The following PPP3CC variants were observed in gnomAD, a reference collection of about 807,000 sequenced individuals.
PPP3CC encodes serine/threonine-protein phosphatase 2B catalytic subunit gamma isoform.
PPP3CC carries 35 observed loss-of-function variants against 60.3 expected under a neutral mutation model. The observed-to-expected ratio is 0.58, with a 90% CI of 0.44 to 0.77. PPP3CC has a LOEUF of 0.77. Among genes scored for constraint, PPP3CC ranks in the 30% least tolerant of loss-of-function variants. PPP3CC has a pLI of 0.00. For synonymous variants in PPP3CC, 206 were observed against 224.3 expected (o/e 0.92, Z 0.73); for missense variants, 570 against 628.9 (o/e 0.91, Z 1.00).
At chr8:22,461,134 G>T (rs188796447) in intron 1 of PPP3CC, among the ~76,000 whole-genome samples, 2 of 152,090 alleles carry the variant, frequency 1.3e-5, no homozygotes, top group African/African-American at 4.8e-5. Context: ...GTGAGCCACC[G>T]CACCCAGCTG....
chr8:22,457,955 G>A (rs1837256224), intron 1 of PPP3CC, among the ~76,000 whole-genome samples: 1 of 152,132 alleles, frequency 6.6e-6, no homozygotes, highest in Admixed American at 6.5e-5. Flanking sequence ...GCCAGGCGTG[G>A]TGGCACATGC....
chr8:22,501,591 A>G (rs1255038818), intron 4 of PPP3CC, among the ~76,000 whole-genome samples: 4 of 152,196 alleles, frequency 2.6e-5, no homozygotes, highest in African/African-American at 4.8e-5. Flanking sequence ...GTTCGGTAAC[A>G]TGTCGCCACC....
At chr8:22,532,847 C>A in intron 11 of PPP3CC, 74 bp from the exon 12 acceptor site, 1 of 1,049,498 alleles carries the variant, frequency 9.5e-7, no homozygotes, top group Non-Finnish European at 1.3e-6. Context: ...TCTTTCTTCA[C>A]TTCCTTCAAT....
intron 8 of PPP3CC, among the ~76,000 whole-genome samples, chr8:22,524,825 G>A (rs1028200525): frequency 3.9e-5 from 6 of 152,116 alleles, no homozygotes; most frequent in African/African-American, 1.4e-4. Context: ...ACCTGGTTTT[G>A]TTCTTGATTA....
chr8:22,475,984 C>G (rs1388188362), intron 3 of PPP3CC, among the ~76,000 whole-genome samples: 1 of 152,138 alleles, frequency 6.6e-6, no homozygotes, highest in East Asian at 1.9e-4. Context: ...CCATAAGCTG[C>G]TGAGCTACAA....
chr8:22,498,130 T>C lies in PPP3CC; in HGVS notation c.484+18T>C. On this transcript the variant is annotated intron_variant, in intron 4 of 13. Coordinates refer to ENST00000240139, the MANE Select transcript of PPP3CC (RefSeq NM_005605.5). The stretch of plus-strand genomic sequence containing the variant: ...ACAGGAATGTAAGTATAATCACTCC[T>C]CTAGAACCTTTTTAGTTACCCTTTA... 6.5e-7 allele frequency: 1 copy of C among 1,530,894 alleles called. No individual in the cohort carries two copies. The highest frequency in any genetic ancestry group is 9.0e-7 in the Non-Finnish European group (1 of 1,107,916). 94.8% of individuals were successfully genotyped at this position (1,530,894 alleles called of 1,614,324 possible). A position where few individuals can be genotyped will look rare whatever the true frequency, so the allele number is the denominator to read the frequency against.
intron 1 of PPP3CC, among the ~76,000 whole-genome samples, chr8:22,466,884 G>A (rs1398195390): frequency 1.3e-5 from 2 of 151,954 alleles, no homozygotes; most frequent in East Asian, 1.9e-4. Flanking sequence ...TGGGAGTACA[G>A]GCAGATGCCA....
At chr8:22,538,775 C>G (rs1839898667) in intron 12 of PPP3CC, among the ~76,000 whole-genome samples, 1 of 152,222 alleles carries the variant, frequency 6.6e-6, no homozygotes, top group Non-Finnish European at 1.5e-5. Context: ...GGCCAACTCT[C>G]TTGAACACTG....
intron 6 of PPP3CC, among the ~76,000 whole-genome samples, chr8:22,518,521 G>A (rs1238016509): frequency 6.6e-6 from 1 of 152,064 alleles, no homozygotes; most frequent in African/African-American, 2.4e-5. Flanking sequence ...AGAATATTCT[G>A]TGTACACTTG....
chr8:22,494,835 C>T (rs368410540), intron 3 of PPP3CC, among the ~76,000 whole-genome samples: 1 of 152,152 alleles, frequency 6.6e-6, no homozygotes, highest in Non-Finnish European at 1.5e-5. Flanking sequence ...TCTTCAGTTT[C>T]TGGTTTATCT....
chr8:22,496,988 C>T (rs1297901522), intron 3 of PPP3CC, among the ~76,000 whole-genome samples: 1 of 151,848 alleles, frequency 6.6e-6, no homozygotes, highest in Non-Finnish European at 1.5e-5. Context: ...GGGATTTCTC[C>T]ACCGTGATGT....
At chr8:22,447,487 T>G (rs1003898709) in intron 1 of PPP3CC, among the ~76,000 whole-genome samples, 6 of 151,820 alleles carry the variant, frequency 4.0e-5, no homozygotes, top group African/African-American at 1.5e-4. Context: ...TGGCCTAATT[T>G]TGGTATTTTT....
At chr8:22,457,829 C>T (rs751690353) in intron 1 of PPP3CC, among the ~76,000 whole-genome samples, 14 of 152,246 alleles carry the variant, frequency 9.2e-5, no homozygotes, top group Non-Finnish European at 1.9e-4. Flanking sequence ...CAGTGGCTTA[C>T]GCCTGTAATC....
chr8:22,488,426 C>G (rs1479048753), intron 3 of PPP3CC, among the ~76,000 whole-genome samples: 1 of 152,156 alleles, frequency 6.6e-6, no homozygotes, highest in African/African-American at 2.4e-5. Flanking sequence ...CTCATAATTA[C>G]GTACAATGAT....
chr8:22,469,518 A>C lies in PPP3CC; in HGVS notation c.50-5436A>C, dbSNP rs111559732. ...TTAATACTATGCATAATATACATGTAACATAATTCCTCATGTAATCTGTAA... is the reference window on the plus strand; with the variant it reads ...TTAATACTATGCATAATATACATGTCACATAATTCCTCATGTAATCTGTAA... On this transcript the variant is annotated intron_variant, in intron 1 of 13. Transcript: ENST00000240139. Among the ~76,000 whole-genome samples, 8 of 152,254 alleles carry C rather than the reference A, an allele frequency of 5.3e-5. 1 individual carries two copies. Among genetic ancestry groups the C allele is most frequent in the African/African-American group, 1.9e-4 (8 of 41,552 alleles).
At chr8:22,526,209 GA>G (rs1839558319) in intron 8 of PPP3CC, among the ~76,000 whole-genome samples, 1 of 152,160 alleles carries the variant, frequency 6.6e-6, no homozygotes, top group African/African-American at 2.4e-5. Context: ...TTACACGAAA[GA>G]CCTTTAATCA....
intron 1 of PPP3CC, among the ~76,000 whole-genome samples, chr8:22,449,918 A>G (rs1346444958): frequency 6.7e-6 from 1 of 149,254 alleles, no homozygotes; most frequent in Non-Finnish European, 1.5e-5. Flanking sequence ...CCGGGCTGGA[A>G]TGCAGTGGCG....
At chr8:22,481,031 C>G (rs1838048320) in intron 3 of PPP3CC, among the ~76,000 whole-genome samples, 1 of 152,100 alleles carries the variant, frequency 6.6e-6, no homozygotes, top group Non-Finnish European at 1.5e-5. Flanking sequence ...TCACACAGGT[C>G]ACTATAAAAT....
At chr8:22,512,999 C>A (rs1839134041) in intron 5 of PPP3CC, among the ~76,000 whole-genome samples, 1 of 151,836 alleles carries the variant, frequency 6.6e-6, no homozygotes, top group Non-Finnish European at 1.5e-5. Context: ...TCGCTTGAAC[C>A]TGGGAGGCGG....
Sources: allele counts gnomAD v4.1 joint callset (sites outside exome capture counted in the v4.1 genomes callset), GRCh38; gene constraint gnomAD v4.1.1; transcripts MANE v1.5; gene names NCBI Gene and HGNC (gene_info 2026-07-23, HGNC 2026-07-21).